Variants in NOSIP observed in about 807,000 individuals in gnomAD.
NOSIP encodes nitric oxide synthase-interacting protein.
In NOSIP, 25 loss-of-function variants were observed where a neutral mutation model predicts 36.4. The ratio of observed to expected loss-of-function variants is 0.69; its 90% confidence interval spans 0.50 to 0.96. NOSIP has a LOEUF of 0.96. NOSIP is among the 40% of genes least tolerant of loss of function. The pLI is 0.00. For missense variants in NOSIP, 370 were observed against 429.0 expected (o/e 0.86, Z 1.21); for synonymous variants, 187 against 179.2 (o/e 1.04, Z -0.35).
At position 49,556,662 on chromosome 19, in the gene NOSIP, C is replaced by G. The variant is rs376440318; in HGVS notation, c.612G>C (p.Pro204=). The G allele has an allele frequency of 5.5e-5, 88 of 1,611,568 alleles. No individual in the cohort carries two copies. The African/African-American group carries it at 1.1e-3, about 21-fold the overall frequency. ...CCACGCGGTCCACGGAGCTGTCTAG[C>G]GGTGTGAAGTGCACGGGCGTCAGGT... The part of the protein sequence containing the change: ...MSDLTPVHFT[P]LDSSVDRVGL... The change falls in exon 7 of 9, where the codon CCG becomes CCC. Residue 204 remains proline (P), a synonymous_variant. Transcript: ENST00000596358.
chr19:49,572,198 C>T (rs1389931422), intron 1 of NOSIP, among the ~76,000 whole-genome samples: 1 of 147,852 alleles, frequency 6.8e-6, no homozygotes, highest in East Asian at 2.1e-4. Flanking sequence ...CTTCACCTCC[C>T]CGATTCAAGT....
At chr19:49,556,471 G>T in intron 7 of NOSIP, 46 bp from the exon 8 acceptor site, 1 of 1,607,838 alleles carries the variant, frequency 6.2e-7, no homozygotes. Context: ...GGGCCTTCCT[G>T]GGGACCTACT....
intron 1 of NOSIP, among the ~76,000 whole-genome samples, chr19:49,574,481 G>A (rs2080525685): frequency 6.6e-6 from 1 of 152,140 alleles, no homozygotes; most frequent in South Asian, 2.1e-4. Flanking sequence ...CTTGCTACTG[G>A]AAAATACACA....
intron 1 of NOSIP, among the ~76,000 whole-genome samples, chr19:49,574,695 G>T (rs1467311472): frequency 6.6e-6 from 1 of 152,038 alleles, no homozygotes; most frequent in African/African-American, 2.4e-5. Context: ...ATCTTCAGTG[G>T]CAGAGAGAAA....
At chr19:49,565,547 G>C (rs530577676) in intron 1 of NOSIP, among the ~76,000 whole-genome samples, 13 of 152,112 alleles carry the variant, frequency 8.5e-5, no homozygotes, top group African/African-American at 3.1e-4. Flanking sequence ...TCAGGAGTTT[G>C]AGACTAGTCT....
At chr19:49,564,244 G>C (rs1200502614) in intron 1 of NOSIP, among the ~76,000 whole-genome samples, 1 of 152,076 alleles carries the variant, frequency 6.6e-6, no homozygotes. Context: ...CTTGAGGTCA[G>C]GAGTTCAAGT....
chr19:49,559,393 C>T lies in NOSIP; in HGVS notation c.177-415G>A, dbSNP rs538729933. The T allele has an allele frequency of 3.8e-4, 71 of 185,770 alleles. No homozygotes were observed. The South Asian group carries it at 5.2e-3, about 14-fold the overall frequency. 11.5% of individuals were successfully genotyped at this position (185,770 alleles called of 1,614,324 possible). A position where few individuals can be genotyped will look rare whatever the true frequency, so the allele number is the denominator to read the frequency against. ...AACGCCAGGTGTGGTAGTGCACACC[C>T]GTGGTTCCAGCTACTCGTGGGGGCT... On this transcript the variant is annotated intron_variant, in intron 3 of 8. Coordinates refer to ENST00000596358, the MANE Select transcript of NOSIP (RefSeq NM_001270960.2).
chr19:49,574,192 C>G lies in NOSIP; in HGVS notation c.-2+6323G>C, dbSNP rs548467293. On this transcript the variant is annotated intron_variant, in intron 1 of 8. Transcript: ENST00000596358. Reference sequence around the variant, plus strand: ...CATTTAATAGGTAGGAAAATTGAAGCTTGGAGAAATTGGCCTCTTCCTCAG... The same window carrying G: ...CATTTAATAGGTAGGAAAATTGAAGGTTGGAGAAATTGGCCTCTTCCTCAG... 8.3e-4 allele frequency among the ~76,000 whole-genome samples: 127 copies of G among 152,160 alleles called. 1 individual carries two copies. In the South Asian group the frequency reaches 0.017, roughly 20 times the overall value.
chr19:49,557,981 T>C (rs928517379), intron 4 of NOSIP: 28 of 969,612 alleles, frequency 2.9e-5, no homozygotes, highest in Non-Finnish European at 3.4e-5. Context: ...GCATGTGACC[T>C]GTAGTGTTTC....
intron 1 of NOSIP, among the ~76,000 whole-genome samples, chr19:49,578,510 G>A (rs1423614242): frequency 1.3e-5 from 2 of 152,084 alleles, no homozygotes; most frequent in Admixed American, 6.6e-5. Context: ...GAGGAAACAA[G>A]TAAAATGAGG....
At chr19:49,572,873 C>G (rs1232673830) in intron 1 of NOSIP, among the ~76,000 whole-genome samples, 1 of 147,852 alleles carries the variant, frequency 6.8e-6, no homozygotes, top group Non-Finnish European at 1.5e-5. Context: ...ACTCGGGAGG[C>G]TGAGGCAGGA....
At chr19:49,563,900 G>C (rs189562646) in intron 1 of NOSIP, among the ~76,000 whole-genome samples, 353 of 152,260 alleles carry the variant, frequency 2.3e-3, no homozygotes, top group Non-Finnish European at 3.3e-3. Flanking sequence ...TAGGCTATAA[G>C]AGTCCAATAC....
At chr19:49,561,283 CTG>C (rs2080331044) in intron 1 of NOSIP, among the ~76,000 whole-genome samples, 1 of 152,164 alleles carries the variant, frequency 6.6e-6, no homozygotes, top group African/African-American at 2.4e-5. Context: ...GAGTAGGGCT[CTG>C]TGTCTAGGGG....
intron 4 of NOSIP, chr19:49,558,008 A>G: frequency 1.2e-6 from 1 of 855,296 alleles, no homozygotes; most frequent in Non-Finnish European, 1.4e-6. Flanking sequence ...GCCAGCAACC[A>G]GGCAGGGGAA....
chr19:49,576,824 T>G (rs190086467), intron 1 of NOSIP, among the ~76,000 whole-genome samples: 2 of 137,660 alleles, frequency 1.5e-5, no homozygotes, highest in East Asian at 4.1e-4. Flanking sequence ...GCGAAGGTCG[T>G]GATGAGCCAA....
intron 1 of NOSIP, among the ~76,000 whole-genome samples, chr19:49,573,666 G>A (rs1037042464): frequency 6.6e-6 from 1 of 152,120 alleles, no homozygotes; most frequent in African/African-American, 2.4e-5. Context: ...AGCACTGGAA[G>A]AACAGAAGTA....
At chr19:49,580,051 T>C (rs2080605624) in intron 1 of NOSIP, among the ~76,000 whole-genome samples, 1 of 149,908 alleles carries the variant, frequency 6.7e-6, no homozygotes, top group South Asian at 2.1e-4. Flanking sequence ...GTCAAAAAGG[T>C]GAAGAGAAGG....
intron 1 of NOSIP, among the ~76,000 whole-genome samples, chr19:49,566,272 G>A (rs899473663): frequency 2.6e-5 from 4 of 151,990 alleles, no homozygotes; most frequent in South Asian, 2.1e-4. Context: ...CGCCCACCTC[G>A]GCTTCCCAAA....
intron 1 of NOSIP, among the ~76,000 whole-genome samples, chr19:49,566,923 C>A (rs765049931): frequency 6.7e-6 from 1 of 148,438 alleles, no homozygotes; most frequent in Non-Finnish European, 1.5e-5. Flanking sequence ...CAAGCAAATT[C>A]TCCTGCCTCA....
Sources: gnomAD v4.1 joint callset for allele counts (sites outside exome capture counted in the v4.1 genomes callset) on GRCh38, gnomAD v4.1.1 for gene constraint, MANE v1.5 for transcripts, NCBI Gene and HGNC (gene_info 2026-07-23, HGNC 2026-07-21) for gene names.